NRDE2: variants seen among roughly 807,000 people sequenced by gnomAD.
NRDE2 encodes the protein NRDE-2, necessary for RNA interference, domain containing, also known as nuclear exosome regulator NRDE2.
NRDE2 carries 76 observed loss-of-function variants against 124.2 expected under a neutral mutation model. The ratio of observed to expected loss-of-function variants is 0.61; its 90% CI spans 0.51 to 0.74. The LOEUF (loss-of-function observed/expected upper bound fraction) is 0.74, where lower values mean the gene tolerates loss of function less well. NRDE2 is among the 30% of genes least tolerant of loss of function. The pLI is 0.00. For synonymous variants in NRDE2, 489 were observed against 528.1 expected (o/e 0.93, Z 1.01); for missense variants, 1,314 against 1,417.3 (o/e 0.93, Z 1.17).
intron 12 of NRDE2, among the ~76,000 whole-genome samples, chr14:90,283,868 C>G (rs868551637): frequency 6.6e-6 from 1 of 151,924 alleles, no homozygotes; most frequent in Non-Finnish European, 1.5e-5. Context: ...CCTGCTACCA[C>G]GCCCGGCTAA....
chr14:90,326,432 T>G (rs1009823485), intron 1 of NRDE2, among the ~76,000 whole-genome samples: 1 of 148,226 alleles, frequency 6.7e-6, no homozygotes, highest in Non-Finnish European at 1.5e-5. Context: ...AAGCGGAGCT[T>G]GCAGTGAGCC....
intron 2 of NRDE2, 108 bp downstream of exon 2, chr14:90,317,897 G>T: frequency 1.4e-6 from 1 of 696,356 alleles, no homozygotes; most frequent in South Asian, 2.0e-5. Flanking sequence ...CTTTAAGTAA[G>T]AGTTTTACAT....
At chr14:90,303,755 G>A (rs114418944) in intron 5 of NRDE2, among the ~76,000 whole-genome samples, 180 bp downstream of exon 5, 1,821 of 152,210 alleles carry the variant, frequency 0.012, 35 homozygotes, top group African/African-American at 0.041. Context: ...CTTATTCTTC[G>A]CATGTCCATT....
intron 13 of NRDE2, 35 bp downstream of exon 13, chr14:90,279,027 G>C (rs780034384): frequency 2.0e-6 from 3 of 1,516,074 alleles, no homozygotes; most frequent in East Asian, 2.3e-5. Flanking sequence ...GGAAGTTTTC[G>C]GGAAGCTGAA....
Position 90,329,215 on chromosome 14 carries a change from T to C in NRDE2, c.64+2626A>G, listed in dbSNP as rs147717275. On this transcript the variant is annotated intron_variant, in intron 1 of 13. Coordinates refer to ENST00000354366, the MANE Select transcript of NRDE2 (RefSeq NM_017970.4). ...AAAAGGATAAAGCTTTGACATGTTATTAAAGATCACTATCCTCCATCACCA... is the reference window on the plus strand; with the variant it reads ...AAAAGGATAAAGCTTTGACATGTTACTAAAGATCACTATCCTCCATCACCA... Among the ~76,000 whole-genome samples, 379 of 152,342 alleles carry C rather than the reference T, an allele frequency of 2.5e-3. 1 individual carries two copies. The highest frequency in any genetic ancestry group is 8.7e-3 in the African/African-American group (362 of 41,578).
chr14:90,304,045 G>C lies in NRDE2; in HGVS notation c.895C>G (p.Gln299Glu). 1 of 1,614,132 alleles carries C rather than the reference G, an allele frequency of 6.2e-7. No homozygotes were observed. Among genetic ancestry groups the C allele is most frequent in the Non-Finnish European group, 8.5e-7 (1 of 1,179,960 alleles). ...PEQESKQPDA[Q>E]PDSESAALKA... Reference sequence around the variant, plus strand: ...AGAGCCGCACTCTCGCTGTCTGGCTGTGCGTCTGGCTGCTTTGATTCCTGC... The same window carrying C: ...AGAGCCGCACTCTCGCTGTCTGGCTCTGCGTCTGGCTGCTTTGATTCCTGC... Residue 299 changes from glutamine to glutamate, a missense_variant, in exon 5 of 14, where the codon CAG (glutamine) becomes GAG (glutamate). Coordinates refer to ENST00000354366, the MANE Select transcript of NRDE2 (RefSeq NM_017970.4).
intron 5 of NRDE2, 122 bp downstream of exon 5, chr14:90,303,813 T>C (rs1884494586): frequency 1.2e-6 from 1 of 865,232 alleles, no homozygotes. Context: ...TCTATTCTAA[T>C]AATCTTTGTA....
rs200896137 is a variant in NRDE2 at position 90,288,478 on chromosome 14, G to A, written c.2897C>T (p.Thr966Met). The change falls in exon 11 of 14, where the codon ACG becomes ATG. Residue 966 changes from threonine (T) to methionine (M), a missense_variant. Thr to Met is a moderately conservative substitution (Grantham distance 81). Coordinates refer to ENST00000354366, the MANE Select transcript of NRDE2 (RefSeq NM_017970.4). Reference sequence around the variant, plus strand: ...TTTCATGTGGAATCTCAGCAGGCTCGTGTGCATCAGTGTGATGGCTTCGAG... The same window carrying A: ...TTTCATGTGGAATCTCAGCAGGCTCATGTGCATCAGTGTGATGGCTTCGAG... ...SVLEAITLMHTSLLRFHMKVS... is the reference protein window; with the variant it reads ...SVLEAITLMHMSLLRFHMKVS... 2.4e-5 allele frequency: 39 copies of A among 1,614,142 alleles called. No individual in the cohort carries two copies. The highest frequency in any genetic ancestry group is 4.5e-5 in the East Asian group (2 of 44,878).
chr14:90,272,149 C>T lies in NRDE2; in HGVS notation c.*6187G>A. ...CCTTAGGCGATCCACCTGCCTCGGC[C>T]TCCCAGAGTGCTGGGATTACAGGTG... On this transcript the variant is annotated 3_prime_UTR_variant, in exon 14 of 14. Transcript: ENST00000354366. The surrounding 1 kb of genome is among the most constrained non-coding windows in gnomAD (Gnocchi z 4.5). 2.8e-6 allele frequency: 3 copies of T among 1,061,808 alleles called. No homozygotes were observed. The highest frequency in any genetic ancestry group is 4.0e-6 in the Non-Finnish European group (3 of 741,282). The allele number at this position is 1,061,808 out of a possible 1,614,324, so 65.8% of individuals were successfully genotyped here.
chr14:90,288,794 G>T lies in NRDE2; in HGVS notation c.2581C>A (p.Pro861Thr). The T allele has an allele frequency of 5.0e-6, 8 of 1,614,114 alleles. No homozygotes were observed. The highest frequency in any genetic ancestry group is 6.8e-6 in the Non-Finnish European group (8 of 1,180,032). Residue 861 changes from proline (P) to threonine (T), a missense_variant, in exon 11 of 14, where the codon CCC becomes ACC. Physicochemically the swap from Pro to Thr is conservative, Grantham distance 38. Transcript: ENST00000354366. ...TKLTESSPYG[P>T]YTGQVLAVHI... ...ACAGCCAACACCTGTCCAGTGTAGG[G>T]CCCATAGGGGCTGCTCTCAGTCAGC...
At chr14:90,328,121 C>T (rs1267899836) in intron 1 of NRDE2, among the ~76,000 whole-genome samples, 7 of 143,900 alleles carry the variant, frequency 4.9e-5, no homozygotes, top group Admixed American at 1.4e-4. Flanking sequence ...CCAGCCTAGG[C>T]GACAGAGAGA....
intron 1 of NRDE2, among the ~76,000 whole-genome samples, chr14:90,331,134 G>T (rs1265970301): frequency 6.6e-6 from 1 of 152,026 alleles, no homozygotes; most frequent in South Asian, 2.1e-4. Flanking sequence ...GATCATGATG[G>T]TCATGAACTC....
intron 1 of NRDE2, among the ~76,000 whole-genome samples, chr14:90,319,937 C>T (rs2149651): frequency 0.96 from 146,741 of 152,318 alleles, 70,869 homozygotes; most frequent in East Asian, 1. Flanking sequence ...TTTTAGATTC[C>T]CAATAACAAT....
Position 90,274,506 on chromosome 14 carries a change from T to G in NRDE2, c.*3830A>C, listed in dbSNP as rs1190816695. On this transcript the variant is annotated 3_prime_UTR_variant, in exon 14 of 14. Coordinates refer to ENST00000354366, the MANE Select transcript of NRDE2 (RefSeq NM_017970.4). ...CACCTGGGAACAGTGACACCCCAAC[T>G]GCAGTGAGCACCCCTAGACCCAGAC... The G allele has an allele frequency of 6.6e-6, 1 of 152,206 alleles. No individual in the cohort carries two copies. Among genetic ancestry groups the G allele is most frequent in the Non-Finnish European group, 1.5e-5 (1 of 68,122 alleles). The allele number at this position is 152,206 out of a possible 1,614,324, so 9.4% of individuals were successfully genotyped here.
chr14:90,318,265 C>G (rs1885119565), intron 1 of NRDE2, 152 bp from the exon 2 acceptor site: 4 of 588,684 alleles, frequency 6.8e-6, no homozygotes, highest in Non-Finnish European at 6.0e-6. Context: ...AGAAGCTGAA[C>G]AGAATCCATG....
In NRDE2 at chr14:90,316,803, A is replaced by G. The variant is rs745526347; in HGVS notation, c.182T>C (p.Leu61Pro). 7 of 1,600,194 alleles carry G rather than the reference A, an allele frequency of 4.4e-6. No individual in the cohort carries two copies. In the African/African-American group the frequency reaches 9.5e-5, roughly 22 times the overall value. Residue 61 changes from leucine (L) to proline (P), a missense_variant, in exon 3 of 14, where the codon CTG (leucine) becomes CCG (proline). Leu to Pro is a moderately conservative substitution (Grantham distance 98). Transcript: ENST00000354366. ...ACTTTCATCTGAAGACTCTGATTTC[A>G]GATGACTCCTGTTTGGGAAAATCAA... Reference protein sequence around the residue: ...SEGLPLTRSHLKSESSDESDT... With the variant: ...SEGLPLTRSHPKSESSDESDT...
At chr14:90,292,562 A>G in intron 9 of NRDE2, 135 bp downstream of exon 9, 1 of 852,332 alleles carries the variant, frequency 1.2e-6, no homozygotes, top group Non-Finnish European at 1.8e-6. Flanking sequence ...GAACAGGAGC[A>G]GGTTAGCATC....
At chr14:90,299,589 T>C (rs1884313690) in intron 7 of NRDE2, among the ~76,000 whole-genome samples, 1 of 152,130 alleles carries the variant, frequency 6.6e-6, no homozygotes, top group Non-Finnish European at 1.5e-5. Context: ...AGGCTTCCAG[T>C]GGGCACAGCA....
At chr14:90,320,039 T>C (rs1885186877) in intron 1 of NRDE2, among the ~76,000 whole-genome samples, 1 of 152,230 alleles carries the variant, frequency 6.6e-6, no homozygotes. Flanking sequence ...CATCTTGCTG[T>C]AGTTTTGATT....
Sources: gnomAD v4.1 joint callset for allele counts (sites outside exome capture counted in the v4.1 genomes callset) on GRCh38, gnomAD v4.1.1 for gene constraint, Gnocchi (gnomAD v3.1) non-coding constraint, MANE v1.5 for transcripts, NCBI Gene and HGNC (gene_info 2026-07-23, HGNC 2026-07-21) for gene names.